COL25A1: variants seen among roughly 807,000 people sequenced by gnomAD.
COL25A1 encodes collagen type XXV alpha 1 chain, also known as collagen alpha-1(XXV) chain.
In COL25A1, 103 loss-of-function variants were observed where a neutral mutation model predicts 128.4. That is an observed-to-expected ratio of 0.80 (90% confidence interval 0.68 to 0.94). The LOEUF is 0.94. COL25A1 is among the 40% of genes least tolerant of loss of function. The pLI, the probability that COL25A1 is intolerant of heterozygous loss-of-function variation, is 0.00. For missense variants in COL25A1, 745 were observed against 840.0 expected (o/e 0.89, Z 1.40); for synonymous variants, 279 against 277.2 (o/e 1.01, Z -0.06).
intron 22 of COL25A1, among the ~76,000 whole-genome samples, chr4:108,861,349 C>T (rs927642590): frequency 1.3e-5 from 2 of 152,068 alleles, no homozygotes; most frequent in African/African-American, 4.8e-5. Flanking sequence ...GGAAAAAGAG[C>T]CAACAATTGT....
chr4:109,067,658 G>A (rs1762570819), intron 3 of COL25A1, among the ~76,000 whole-genome samples: 1 of 152,154 alleles, frequency 6.6e-6, no homozygotes, highest in South Asian at 2.1e-4. Context: ...TTCTTTTCCA[G>A]GGAGTAGTTT....
At chr4:108,980,671 G>A (rs978919196) in intron 6 of COL25A1, among the ~76,000 whole-genome samples, 2 of 152,168 alleles carry the variant, frequency 1.3e-5, no homozygotes, top group South Asian at 2.1e-4. Context: ...CAATTCTTCC[G>A]TGTTAACTTC....
intron 19 of COL25A1, among the ~76,000 whole-genome samples, chr4:108,870,364 G>C (rs62314572): frequency 4.6e-5 from 7 of 151,310 alleles, no homozygotes; most frequent in South Asian, 2.1e-4. Context: ...GGGAACAAAA[G>C]GATATCACCA....
chr4:108,852,789 C>T lies in COL25A1; in HGVS notation c.1344+113G>A. ...GTAAAAGATTATTAATACAAGAAAA[C>T]ATAAAATTAAGTATCAGATAAAAAC... is the stretch of plus-strand genomic sequence containing the variant. On this transcript the variant is annotated intron_variant, in intron 25 of 37. Transcript: ENST00000399132. 3 of 788,412 alleles carry T rather than the reference C, an allele frequency of 3.8e-6. No individual in the cohort carries two copies. In the South Asian group the frequency reaches 5.5e-5, roughly 15 times the overall value. The allele number at this position is 788,412 out of a possible 1,614,324, so 48.8% of individuals were successfully genotyped here. A position where few individuals can be genotyped will look rare whatever the true frequency, so the allele number is the denominator to read the frequency against.
At chr4:108,888,643 T>C (rs909577412) in intron 18 of COL25A1, among the ~76,000 whole-genome samples, 2 of 152,216 alleles carry the variant, frequency 1.3e-5, no homozygotes, top group Non-Finnish European at 2.9e-5. Context: ...ATCCATAAAA[T>C]GGTATGGCTA....
intron 3 of COL25A1, among the ~76,000 whole-genome samples, chr4:109,121,941 G>A (rs1768143441): frequency 6.6e-6 from 1 of 152,004 alleles, no homozygotes; most frequent in South Asian, 2.1e-4. Flanking sequence ...TATCATTCAG[G>A]CTAAAAAGAG....
At chr4:108,936,610 G>A (rs1460783148) in intron 11 of COL25A1, among the ~76,000 whole-genome samples, 4 of 151,768 alleles carry the variant, frequency 2.6e-5, no homozygotes, top group African/African-American at 7.3e-5. Context: ...TACAGGTCAG[G>A]AACAGAGAAT....
At chr4:108,857,199 C>A (rs1736626226) in intron 24 of COL25A1, among the ~76,000 whole-genome samples, 1 of 152,002 alleles carries the variant, frequency 6.6e-6, no homozygotes, top group Admixed American at 6.6e-5. Flanking sequence ...GGAAGTAGTT[C>A]AAGGGCAATT....
intron 3 of COL25A1, among the ~76,000 whole-genome samples, chr4:109,174,273 T>G (rs1009746647): frequency 4.0e-4 from 61 of 152,178 alleles, no homozygotes; most frequent in African/African-American, 1.4e-3. Context: ...AAATGTTGCC[T>G]TGACATGTGG....
chr4:109,216,683 A>AGG (rs538489638), intron 3 of COL25A1, among the ~76,000 whole-genome samples: 122 of 152,272 alleles, frequency 8.0e-4, no homozygotes, highest in African/African-American at 2.9e-3. Context: ...CCTCCTCTAG[A>AGG]GGCTTCAGAG....
At chr4:109,246,453 G>C (rs1160062417) in intron 3 of COL25A1, among the ~76,000 whole-genome samples, 2 of 152,114 alleles carry the variant, frequency 1.3e-5, no homozygotes, top group African/African-American at 2.4e-5. Flanking sequence ...TCTAATTGAT[G>C]AGTGAGTACT....
At chr4:108,824,384 CAT>C (rs1304188424) in intron 34 of COL25A1, among the ~76,000 whole-genome samples, 157 bp from the exon 35 acceptor site, 5 of 152,156 alleles carry the variant, frequency 3.3e-5, no homozygotes, top group Non-Finnish European at 7.4e-5. Flanking sequence ...TGCTTAGAAA[CAT>C]AAGTTTTCTA....
rs370075670 is a variant in COL25A1 at position 109,202,404 on chromosome 4, CA to C, written c.367+98178del. Among the ~76,000 whole-genome samples, 1,300 of 136,512 alleles carry C rather than the reference CA, an allele frequency of 9.5e-3. 57 individuals carry two copies. In the South Asian group the frequency reaches 0.15, roughly 16 times the overall value. The allele number at this position is 136,512 out of a possible 152,430, so 89.6% of individuals were successfully genotyped here. A position where few individuals can be genotyped will look rare whatever the true frequency, so the allele number is the denominator to read the frequency against. On this transcript the variant is annotated intron_variant, in intron 3 of 37. Transcript: ENST00000399132. ...GCTGGCATGACTGGATATCCATATG[CA>C]AAAAAAAAAACAAAAATGAATCCAA... is the stretch of plus-strand genomic sequence containing the variant.
intron 3 of COL25A1, among the ~76,000 whole-genome samples, chr4:109,217,330 T>A (rs982660465): frequency 1.3e-5 from 2 of 152,164 alleles, no homozygotes; most frequent in Non-Finnish European, 1.5e-5. Flanking sequence ...CAAATCCTGT[T>A]TATTCCTTTG....
At chr4:109,189,146 A>G (rs932460647) in intron 3 of COL25A1, among the ~76,000 whole-genome samples, 1 of 152,186 alleles carries the variant, frequency 6.6e-6, no homozygotes, top group Admixed American at 6.5e-5. Flanking sequence ...ATTTTAAATC[A>G]TACTGGGTAC....
chr4:109,247,914 G>A (rs942890132), intron 3 of COL25A1, among the ~76,000 whole-genome samples: 5 of 152,120 alleles, frequency 3.3e-5, no homozygotes, highest in African/African-American at 1.2e-4. Flanking sequence ...AAGGGAGAGA[G>A]ATAACAGAAA....
intron 5 of COL25A1, among the ~76,000 whole-genome samples, chr4:109,036,691 T>C (rs1446137753): frequency 6.6e-6 from 1 of 152,236 alleles, no homozygotes; most frequent in Non-Finnish European, 1.5e-5. Context: ...GGATGGTTTT[T>C]AAAAACCAGT....
At chr4:109,285,240 G>T (rs1723763441) in intron 3 of COL25A1, among the ~76,000 whole-genome samples, 1 of 152,148 alleles carries the variant, frequency 6.6e-6, no homozygotes, top group Non-Finnish European at 1.5e-5. Flanking sequence ...TACTCAACTT[G>T]TTTTTTATGA....
chr4:108,864,976 T>C (rs1737710783), intron 20 of COL25A1, among the ~76,000 whole-genome samples: 2 of 152,224 alleles, frequency 1.3e-5, no homozygotes, highest in Admixed American at 6.5e-5. Flanking sequence ...ATGTTTCAAA[T>C]GTAAATCTTT....
Sources: gnomAD v4.1 joint callset for allele counts (sites outside exome capture counted in the v4.1 genomes callset) on GRCh38, gnomAD v4.1.1 for gene constraint, MANE v1.5 for transcripts, NCBI Gene and HGNC (gene_info 2026-07-23, HGNC 2026-07-21) for gene names.